SYT16: variants seen among roughly 807,000 people sequenced by gnomAD.
SYT16 encodes synaptotagmin 16.
A neutral mutation model predicts 61.4 loss-of-function variants in SYT16; 42 were observed. The observed-to-expected ratio is 0.68, with a 90% confidence interval of 0.53 to 0.89. The LOEUF (loss-of-function observed/expected upper bound fraction) is 0.89. SYT16 is among the 40% of genes least tolerant of loss of function. The pLI is 0.00. For synonymous variants in SYT16, 314 were observed against 302.3 expected (o/e 1.04, Z -0.40); for missense variants, 804 against 807.3 (o/e 1.00, Z 0.05).
chr14:61,818,657 GAC>G (rs1179226671), intron 1 of SYT16, among the ~76,000 whole-genome samples: 1 of 141,380 alleles, frequency 7.1e-6, no homozygotes, highest in Non-Finnish European at 1.5e-5. Flanking sequence ...CAGCCTGGGA[GAC>G]ACAGTGAGAC....
chr14:61,988,011 G>A (rs1381557341), intron 2 of SYT16, among the ~76,000 whole-genome samples: 4 of 152,040 alleles, frequency 2.6e-5, no homozygotes, highest in Non-Finnish European at 5.9e-5. Flanking sequence ...AATTCCTATT[G>A]TGTCTGCATT....
At chr14:62,003,415 A>C (rs1335992727) in intron 3 of SYT16, among the ~76,000 whole-genome samples, 1 of 151,658 alleles carries the variant, frequency 6.6e-6, no homozygotes, top group Non-Finnish European at 1.5e-5. Context: ...AATAACTGGA[A>C]AATATTCATT....
intron 3 of SYT16, among the ~76,000 whole-genome samples, chr14:62,033,726 A>G (rs1370005593): frequency 1.3e-5 from 2 of 152,198 alleles, no homozygotes; most frequent in African/African-American, 4.8e-5. Context: ...CCATAGACAT[A>G]AATGTAAAAG....
chr14:62,065,757 G>A (rs1044655192), intron 3 of SYT16, among the ~76,000 whole-genome samples: 10 of 152,138 alleles, frequency 6.6e-5, no homozygotes, highest in Non-Finnish European at 1.3e-4. Flanking sequence ...CTCTAAAGGT[G>A]GAAGTAGTTT....
intron 1 of SYT16, among the ~76,000 whole-genome samples, chr14:61,922,367 T>A (rs2049366047): frequency 6.6e-6 from 1 of 152,190 alleles, no homozygotes; most frequent in African/African-American, 2.4e-5. Flanking sequence ...AAGAATGAGA[T>A]CATGTCCTTT....
intron 3 of SYT16, among the ~76,000 whole-genome samples, chr14:62,046,406 C>A (rs2054988246): frequency 6.6e-6 from 1 of 151,996 alleles, no homozygotes; most frequent in African/African-American, 2.4e-5. Context: ...TGTAGGTTGC[C>A]TGTTCACTCT....
At chr14:62,096,309 T>C (rs1323462715) in intron 7 of SYT16, among the ~76,000 whole-genome samples, 1 of 152,080 alleles carries the variant, frequency 6.6e-6, no homozygotes, top group Non-Finnish European at 1.5e-5. Context: ...CTGGCAAAGA[T>C]TTTGTGTCTA....
chr14:62,015,573 CAT>C (rs1382086171), intron 3 of SYT16, among the ~76,000 whole-genome samples: 1 of 152,184 alleles, frequency 6.6e-6, no homozygotes, highest in African/African-American at 2.4e-5. Context: ...CATGTTAAAA[CAT>C]AGTCCCCAGT....
chr14:61,999,767 T>G (rs952793479), intron 3 of SYT16, among the ~76,000 whole-genome samples: 1 of 151,810 alleles, frequency 6.6e-6, no homozygotes, highest in Admixed American at 6.6e-5. Context: ...TTTCATTCAA[T>G]TAAAAATATT....
rs533771842 is a variant in SYT16, at chr14:62,087,393, A to G, written c.1624+3008A>G. Among the ~76,000 whole-genome samples, 11 of 152,264 alleles carry G rather than the reference A, an allele frequency of 7.2e-5. No individual in the cohort carries two copies. The East Asian group carries it at 1.7e-3, about 24-fold the overall frequency. ...CACAGGGTCGCCGCCGGCCAGGGGA[A>G]CTTGTACCACTGAGGGCCATGACAG... On this transcript the variant is annotated intron_variant, in intron 7 of 7. Transcript: ENST00000683842.
At chr14:61,870,571 T>G (rs2140303049) in intron 1 of SYT16, among the ~76,000 whole-genome samples, 1 of 152,264 alleles carries the variant, frequency 6.6e-6, no homozygotes, top group East Asian at 1.9e-4. Flanking sequence ...GCTACACTTC[T>G]TTTCTCTGAA....
intron 1 of SYT16, among the ~76,000 whole-genome samples, chr14:61,839,431 T>C (rs953314838): frequency 2.0e-5 from 3 of 152,198 alleles, no homozygotes; most frequent in African/African-American, 7.2e-5. Context: ...TATTTTGTTA[T>C]AGCAGCACAA....
intron 2 of SYT16, among the ~76,000 whole-genome samples, chr14:61,972,359 G>C (rs1171646298): frequency 6.6e-6 from 1 of 152,134 alleles, no homozygotes; most frequent in Non-Finnish European, 1.5e-5. Context: ...GAATATTTTA[G>C]AGACAATTAT....
Position 62,039,851 on chromosome 14 carries a change from ACACACACACACACACACACACACACACG to A in SYT16, c.524-29747_524-29720del, listed in dbSNP as rs1484404651. On this transcript the variant is annotated intron_variant, in intron 3 of 7. Transcript: ENST00000683842. ...CTTAAGCATACACACACACACACACACACACACACACACACACACACACACACGCACATACACACTAGATTTTACTGAC... is the reference window on the plus strand; with the variant it reads ...CTTAAGCATACACACACACACACACACACATACACACTAGATTTTACTGAC... Among the ~76,000 whole-genome samples, 1,337 of 134,176 alleles carry A rather than the reference ACACACACACACACACACACACACACACG, an allele frequency of 1.0e-2. 16 individuals are homozygous for A. Among genetic ancestry groups the A allele is most frequent in the African/African-American group, 0.033 (1,296 of 39,194 alleles). The allele number at this position is 134,176 out of a possible 152,430, so 88.0% of individuals were successfully genotyped here.
chr14:62,046,522 C>T (rs2054993985), intron 3 of SYT16, among the ~76,000 whole-genome samples: 1 of 152,108 alleles, frequency 6.6e-6, no homozygotes, highest in African/African-American at 2.4e-5. Flanking sequence ...ACATGAAGTC[C>T]TTGCCCATGC....
In SYT16 at chr14:61,996,251, C is replaced by G; in HGVS notation, c.232C>G (p.Gln78Glu). Reference sequence around the variant, plus strand: ...TGAAGAACAAGACAATGATTGGAGTCAAGAGGATGCAAATTCCTTGTTTCT... The same window carrying G: ...TGAAGAACAAGACAATGATTGGAGTGAAGAGGATGCAAATTCCTTGTTTCT... ...EDEEQDNDWS[Q>E]EDANSLFLEV... The change falls in exon 3 of 8, where the codon CAA becomes GAA. Residue 78 changes from glutamine to glutamate, a missense_variant. By Grantham distance (29) the Gln-to-Glu change is conservative. Coordinates refer to ENST00000683842, the MANE Select transcript of SYT16 (RefSeq NM_001367656.1). The G allele has an allele frequency of 6.2e-7, 1 of 1,613,590 alleles. No homozygotes were observed. Among genetic ancestry groups the G allele is most frequent in the Non-Finnish European group, 8.5e-7 (1 of 1,179,646 alleles).
intron 5 of SYT16, among the ~76,000 whole-genome samples, chr14:62,078,739 G>C (rs141194547): frequency 8.5e-5 from 13 of 152,362 alleles, no homozygotes; most frequent in African/African-American, 2.9e-4. Context: ...GCAAAAAGTA[G>C]ACTTCACATA....
chr14:61,861,251 T>TG (rs1454590537), intron 1 of SYT16, among the ~76,000 whole-genome samples: 1 of 152,240 alleles, frequency 6.6e-6, no homozygotes, highest in Non-Finnish European at 1.5e-5. Context: ...ACAGAAATGT[T>TG]CAGGATATCT....
At chr14:62,053,296 C>A (rs1049754750) in intron 3 of SYT16, among the ~76,000 whole-genome samples, 4 of 152,184 alleles carry the variant, frequency 2.6e-5, no homozygotes, top group Admixed American at 6.5e-5. Flanking sequence ...GGACATGAGC[C>A]TTCTCCTGCC....
Sources: gnomAD v4.1 joint callset for allele counts (sites outside exome capture counted in the v4.1 genomes callset) on GRCh38, gnomAD v4.1.1 for gene constraint, MANE v1.5 for transcripts, NCBI Gene and HGNC (gene_info 2026-07-23, HGNC 2026-07-21) for gene names.